Variants in CEP112 observed in about 807,000 individuals in gnomAD.
The protein encoded by CEP112 is centrosomal protein of 112 kDa.
Under a neutral mutation model 153.0 loss-of-function variants are expected in CEP112, and 127 were observed. The observed-to-expected ratio is 0.83, with a 90% CI of 0.72 to 0.96. The LOEUF (loss-of-function observed/expected upper bound fraction) is 0.96. Among genes scored for constraint, CEP112 ranks in the 40% least tolerant of loss-of-function variants. CEP112 has a pLI of 0.00. For synonymous variants in CEP112, 358 were observed against 374.4 expected (o/e 0.96, Z 0.51); for missense variants, 1,089 against 1,101.2 (o/e 0.99, Z 0.16).
chr17:66,036,782 G>T (rs1288028780), intron 12 of CEP112, among the ~76,000 whole-genome samples: 1 of 152,020 alleles, frequency 6.6e-6, no homozygotes, highest in Non-Finnish European at 1.5e-5. Context: ...TTCTGCTCAT[G>T]GAATTAACAT....
intron 21 of CEP112, among the ~76,000 whole-genome samples, chr17:65,815,562 G>T (rs569765387): frequency 6.6e-6 from 1 of 152,054 alleles, no homozygotes; most frequent in Non-Finnish European, 1.5e-5. Flanking sequence ...GTTTGGATGA[G>T]GACTGCACTT....
chr17:65,731,522 A>G (rs1469429236), intron 23 of CEP112, among the ~76,000 whole-genome samples: 1 of 152,122 alleles, frequency 6.6e-6, no homozygotes, highest in Non-Finnish European at 1.5e-5. Context: ...TGGTTGCTGA[A>G]GGCTGGGGTG....
chr17:66,061,569 TACAC>T (rs35156012), intron 11 of CEP112, among the ~76,000 whole-genome samples: 1 of 146,236 alleles, frequency 6.8e-6, no homozygotes, highest in African/African-American at 2.5e-5. Context: ...ATGTGATAGA[TACAC>T]ACACACACAC....
rs2052333 is a variant in CEP112, at chr17:66,004,662, G to T, written c.1736+1028C>A. Among the ~76,000 whole-genome samples the T allele has an allele frequency of 8.7e-3, 1,319 of 152,328 alleles. 23 individuals are homozygous for T. Among genetic ancestry groups the T allele is most frequent in the African/African-American group, 0.03 (1,252 of 41,552 alleles). On this transcript the variant is annotated intron_variant, in intron 17 of 26. Transcript: ENST00000535342. ...CTTGTGATGCCATAGTTTATAAATC[G>T]CATTAAAACGTTCTATTCAGGAACT...
chr17:65,680,596 G>A (rs1011629402), intron 24 of CEP112, among the ~76,000 whole-genome samples: 1 of 152,156 alleles, frequency 6.6e-6, no homozygotes, highest in African/African-American at 2.4e-5. Context: ...CACAGTCCCA[G>A]CTCAGGTCCC....
chr17:65,824,058 A>C (rs141286335), intron 21 of CEP112, among the ~76,000 whole-genome samples: 199 of 152,320 alleles, frequency 1.3e-3, no homozygotes, highest in Non-Finnish European at 2.6e-3. Context: ...AAAATTTAAA[A>C]ATATACTTAA....
chr17:65,672,850 A>G (rs2144086227), intron 24 of CEP112, among the ~76,000 whole-genome samples: 1 of 152,352 alleles, frequency 6.6e-6, no homozygotes. Flanking sequence ...GCATTTCCAA[A>G]AAATGGGAGA....
chr17:66,058,811 C>G (rs2066809951), intron 11 of CEP112, among the ~76,000 whole-genome samples: 1 of 152,146 alleles, frequency 6.6e-6, no homozygotes, highest in Non-Finnish European at 1.5e-5. Flanking sequence ...GTTATGGTGC[C>G]ATTGCACTCC....
chr17:66,183,715 T>G (rs960427707), intron 1 of CEP112, among the ~76,000 whole-genome samples: 2 of 151,824 alleles, frequency 1.3e-5, no homozygotes, highest in Non-Finnish European at 1.5e-5. Flanking sequence ...GTGTGATCCA[T>G]GAAGAAATGA....
intron 4 of CEP112, among the ~76,000 whole-genome samples, chr17:66,172,619 T>C (rs1045882258): frequency 6.6e-6 from 1 of 152,210 alleles, no homozygotes; most frequent in African/African-American, 2.4e-5. Flanking sequence ...ATATTCTCAT[T>C]GTATTTTCTC....
At chr17:66,146,239 C>T (rs1027609564) in intron 4 of CEP112, among the ~76,000 whole-genome samples, 1 of 151,918 alleles carries the variant, frequency 6.6e-6, no homozygotes, top group Non-Finnish European at 1.5e-5. Flanking sequence ...CCAGTGATAC[C>T]ATCTGGGCTT....
intron 20 of CEP112, among the ~76,000 whole-genome samples, chr17:65,876,827 C>G (rs1283170207): frequency 1.3e-5 from 2 of 151,800 alleles, no homozygotes; most frequent in African/African-American, 4.8e-5. Context: ...TCTAAGAGCC[C>G]CTTCTTATTT....
At chr17:66,027,403 T>G (rs2065259902) in intron 16 of CEP112, 98 bp downstream of exon 16, 5 of 1,107,146 alleles carry the variant, frequency 4.5e-6, no homozygotes, top group Non-Finnish European at 5.9e-6. Flanking sequence ...AACAAGTTGT[T>G]CTTTAAAGGT....
At chr17:66,004,113 A>C (rs1025159255) in intron 17 of CEP112, among the ~76,000 whole-genome samples, 1 of 152,176 alleles carries the variant, frequency 6.6e-6, no homozygotes, top group Non-Finnish European at 1.5e-5. Context: ...AGAAATCTTC[A>C]TGAAGAAAGT....
At chr17:65,906,265 C>CGG (rs60160515) in intron 19 of CEP112, among the ~76,000 whole-genome samples, 8 of 107,338 alleles carry the variant, frequency 7.5e-5, no homozygotes, top group Admixed American at 1.1e-4. Context: ...AGGGGCCTGT[C>CGG]GGGGGGGTAG....
chr17:66,039,568 G>A (rs2145821025), intron 12 of CEP112, among the ~76,000 whole-genome samples: 1 of 152,236 alleles, frequency 6.6e-6, no homozygotes, highest in South Asian at 2.1e-4. Context: ...CTTAAAGATA[G>A]AGTTTATGAT....
chr17:66,069,799 T>C, intron 9 of CEP112, 116 bp downstream of exon 9: 1 of 606,384 alleles, frequency 1.6e-6, no homozygotes, highest in Non-Finnish European at 2.8e-6. Context: ...TGTCATAAAG[T>C]ACATAAATAA....
At chr17:65,766,931 C>T (rs6504348) in intron 21 of CEP112, among the ~76,000 whole-genome samples, 51,734 of 122,766 alleles carry the variant, frequency 0.42, 12,967 homozygotes, top group East Asian at 0.74. Flanking sequence ...AAGGGAGAAA[C>T]AGATAGCAAT....
chr17:66,075,061 T>G (rs1291440183), intron 8 of CEP112, among the ~76,000 whole-genome samples: 1 of 151,858 alleles, frequency 6.6e-6, no homozygotes, highest in Non-Finnish European at 1.5e-5. Flanking sequence ...AAACAAATAG[T>G]AAAAGGTATT....
Sources: gnomAD v4.1 joint callset for allele counts (sites outside exome capture counted in the v4.1 genomes callset) on GRCh38, gnomAD v4.1.1 for gene constraint, MANE v1.5 for transcripts, NCBI Gene and HGNC (gene_info 2026-07-23, HGNC 2026-07-21) for gene names.